The following CADPS2 variants were observed in gnomAD, a reference collection of about 807,000 sequenced individuals.
CADPS2 encodes the protein calcium-dependent secretion activator 2.
A neutral mutation model predicts 172.5 loss-of-function variants in CADPS2; 93 were observed. The observed-to-expected ratio is 0.54, with a 90% CI of 0.46 to 0.64. CADPS2 has a LOEUF of 0.64. Among genes scored for constraint, CADPS2 ranks in the 30% least tolerant of loss-of-function variants. The pLI is 0.00. For missense variants in CADPS2, 1,420 were observed against 1,565.9 expected, an observed-to-expected ratio of 0.91 and a Z score of 1.57; for synonymous variants, 546 against 555.2, an observed-to-expected ratio of 0.98 and a Z score of 0.23.
chr7:122,480,030 A>G (rs560472773), intron 12 of CADPS2: 19 of 462,732 alleles, frequency 4.1e-5, no homozygotes, highest in South Asian at 2.9e-4. Flanking sequence ...TGTGCACTGC[A>G]TTTTGGTTGG....
chr7:122,541,423 C>T (rs1315454861), intron 8 of CADPS2, among the ~76,000 whole-genome samples: 19 of 143,314 alleles, frequency 1.3e-4, no homozygotes, highest in Admixed American at 8.5e-4. Flanking sequence ...TCAGGCTGGT[C>T]TTGAACTCCT....
At chr7:122,380,057 C>G (rs567575748) in intron 24 of CADPS2, among the ~76,000 whole-genome samples, 4 of 152,044 alleles carry the variant, frequency 2.6e-5, no homozygotes, top group Non-Finnish European at 5.9e-5. Flanking sequence ...AAACATCACT[C>G]ACTCCCCATA....
At chr7:122,706,527 G>A (rs998409484) in intron 2 of CADPS2, among the ~76,000 whole-genome samples, 3 of 146,760 alleles carry the variant, frequency 2.0e-5, no homozygotes, top group Non-Finnish European at 3.0e-5. Flanking sequence ...ACTAGGGTTG[G>A]TTCAACTGGT....
intron 29 of CADPS2, among the ~76,000 whole-genome samples, chr7:122,322,777 T>C (rs896084417): frequency 2.0e-5 from 3 of 152,174 alleles, no homozygotes; most frequent in African/African-American, 4.8e-5. Context: ...AATGAACCAA[T>C]TGGTGTATAA....
At position 122,838,682 on chromosome 7, in the gene CADPS2, C is replaced by A. The variant is rs191552094; in HGVS notation, c.339+47317G>T. Among the ~76,000 whole-genome samples the A allele has an allele frequency of 5.4e-3, 817 of 152,272 alleles. 7 individuals carry two copies. Among genetic ancestry groups the A allele is most frequent in the Middle Eastern group, 0.031 (9 of 294 alleles). ...ATGAGTGAACTCCCATTCACAATTG[C>A]TTCAAAGAGAATAAAATACCTAGGA... On this transcript the variant is annotated intron_variant, in intron 1 of 29. Transcript: ENST00000449022.
At chr7:122,424,510 A>T (rs1248357565) in intron 17 of CADPS2, 1 of 156,038 alleles carries the variant, frequency 6.4e-6, no homozygotes, top group Non-Finnish European at 1.4e-5. Flanking sequence ...GATACATGTG[A>T]GGTAAAAGTC....
rs546081735 is a variant in CADPS2 at position 122,699,775 on chromosome 7, T to C, written c.454-36206A>G. On this transcript the variant is annotated intron_variant, in intron 2 of 29. Coordinates refer to ENST00000449022, the MANE Select transcript of CADPS2 (RefSeq NM_017954.11). ...AAGCTAATTTCTCTGCAGACTTTGA[T>C]GTCTGTTATTAATCAAACAATATTT... Among the ~76,000 whole-genome samples, 34 of 152,312 alleles carry C rather than the reference T, an allele frequency of 2.2e-4. 2 individuals carry two copies. The highest frequency in any genetic ancestry group is 8.2e-4 in the African/African-American group (34 of 41,588).
chr7:122,789,306 T>C (rs1014062288), intron 1 of CADPS2, among the ~76,000 whole-genome samples: 1 of 152,130 alleles, frequency 6.6e-6, no homozygotes, highest in African/African-American at 2.4e-5. Context: ...TGCCTTCCTA[T>C]CCTATCTCCC....
intron 8 of CADPS2, among the ~76,000 whole-genome samples, chr7:122,544,403 T>C (rs886343867): frequency 2.6e-5 from 4 of 152,178 alleles, no homozygotes; most frequent in Admixed American, 6.6e-5. Context: ...CTTTGCTGTA[T>C]AGCATACTGC....
chr7:122,600,968 T>G (rs567399509), intron 6 of CADPS2, among the ~76,000 whole-genome samples: 1 of 152,250 alleles, frequency 6.6e-6, no homozygotes. Flanking sequence ...ATTTAGCTAC[T>G]GATTTTAACA....
At chr7:122,832,282 T>C (rs1247533091) in intron 1 of CADPS2, among the ~76,000 whole-genome samples, 1 of 145,650 alleles carries the variant, frequency 6.9e-6, no homozygotes, top group Non-Finnish European at 1.5e-5. Flanking sequence ...AAACTGGAGA[T>C]AGACAAATAC....
intron 2 of CADPS2, among the ~76,000 whole-genome samples, chr7:122,669,799 C>A (rs1588282597): frequency 6.6e-6 from 1 of 151,936 alleles, no homozygotes; most frequent in Admixed American, 6.6e-5. Context: ...TCCAATATTA[C>A]CTCACATCTC....
chr7:122,548,626 T>A (rs958973095), intron 8 of CADPS2, among the ~76,000 whole-genome samples: 2 of 152,182 alleles, frequency 1.3e-5, no homozygotes, highest in African/African-American at 4.8e-5. Flanking sequence ...ACTAGCAAAT[T>A]GTAGTAAAAC....
intron 1 of CADPS2, among the ~76,000 whole-genome samples, chr7:122,800,236 T>C (rs764359931): frequency 4.6e-5 from 7 of 152,236 alleles, no homozygotes; most frequent in Non-Finnish European, 7.3e-5. Context: ...ATATAAAATT[T>C]ATGAGAAATA....
rs868628337 is a variant in CADPS2 at position 122,692,723 on chromosome 7, C to T, written c.454-29154G>A. Among the ~76,000 whole-genome samples, 3 of 152,300 alleles carry T rather than the reference C, an allele frequency of 2.0e-5. No homozygotes were observed. In the East Asian group the frequency reaches 5.8e-4, roughly 30 times the overall value. On this transcript the variant is annotated intron_variant, in intron 2 of 29. Coordinates refer to ENST00000449022, the MANE Select transcript of CADPS2 (RefSeq NM_017954.11). ...CCAGGGTCCAGCCCCTGCTGAGGTC[C>T]GAGGGGAGTGGGTGGATGGACAGAT... is the stretch of plus-strand genomic sequence containing the variant.
At chr7:122,775,937 T>G (rs1295631256) in intron 1 of CADPS2, among the ~76,000 whole-genome samples, 1 of 150,830 alleles carries the variant, frequency 6.6e-6, no homozygotes, top group Non-Finnish European at 1.5e-5. Context: ...TCCTATAAGT[T>G]GTTTTCATTT....
chr7:122,480,107 A>T (rs1034383140), intron 12 of CADPS2: 4 of 471,592 alleles, frequency 8.5e-6, no homozygotes, highest in African/African-American at 8.0e-5. Flanking sequence ...GTTACATTTT[A>T]AGTGAAAAAA....
intron 11 of CADPS2, among the ~76,000 whole-genome samples, chr7:122,487,011 C>CTTTTTT: frequency 8.1e-6 from 1 of 123,258 alleles, no homozygotes. Context: ...ATAAACATAA[C>CTTTTTT]TTTTTTTTTT....
At chr7:122,783,935 C>T (rs207468524) in intron 1 of CADPS2, among the ~76,000 whole-genome samples, 6 of 152,174 alleles carry the variant, frequency 3.9e-5, no homozygotes, top group African/African-American at 1.4e-4. Flanking sequence ...TCCAAGAGGG[C>T]TTGCGGCTAT....
Sources: gnomAD v4.1 joint callset for allele counts (sites outside exome capture counted in the v4.1 genomes callset) on GRCh38, gnomAD v4.1.1 for gene constraint, MANE v1.5 for transcripts, NCBI Gene and HGNC (gene_info 2026-07-23, HGNC 2026-07-21) for gene names.